ABL1: variants seen among roughly 807,000 people sequenced by gnomAD.
The protein encoded by ABL1 is ABL proto-oncogene 1, non-receptor tyrosine kinase, also known as tyrosine-protein kinase ABL1.
ABL1 carries 11 observed loss-of-function variants against 94.7 expected under a neutral mutation model. The observed-to-expected ratio is 0.12, with a 90% CI of 0.07 to 0.19. The LOEUF (loss-of-function observed/expected upper bound fraction) is 0.19. Ranked by LOEUF, ABL1 falls within the 10% of genes least tolerant of loss-of-function variation. The probability of loss-of-function intolerance (pLI) is 1.00; values close to 1 mark genes in which losing one functional copy is unlikely to be tolerated. For synonymous variants in ABL1, 656 were observed against 622.4 expected, an observed-to-expected ratio of 1.05 and a Z score of -0.80; for missense variants, 1,082 against 1,489.4, an observed-to-expected ratio of 0.73 and a Z score of 4.50.
chr9:130,718,843 C>G (rs1426128621), intron 1 of ABL1, among the ~76,000 whole-genome samples: 1 of 152,170 alleles, frequency 6.6e-6, no homozygotes, highest in Non-Finnish European at 1.5e-5. Context: ...GATCACGCCA[C>G]TGCACTGCAG....
chr9:130,719,341 C>T (rs1831486431), intron 1 of ABL1, among the ~76,000 whole-genome samples: 1 of 152,030 alleles, frequency 6.6e-6, no homozygotes, highest in Non-Finnish European at 1.5e-5. Context: ...CCAGCTTGAC[C>T]AAGAAGGTAA....
chr9:130,840,547 G>T (rs865957362), intron 1 of ABL1, among the ~76,000 whole-genome samples: 2 of 152,270 alleles, frequency 1.3e-5, no homozygotes, highest in Middle Eastern at 3.4e-3. Context: ...AAGAACTAAA[G>T]ATCAAATGGG....
chr9:130,837,901 G>T (rs1444468829), intron 1 of ABL1, among the ~76,000 whole-genome samples: 1 of 152,144 alleles, frequency 6.6e-6, no homozygotes, highest in African/African-American at 2.4e-5. Context: ...TCCCTGTCAG[G>T]GAGAGAATTG....
chr9:130,730,980 C>T (rs1251086511), intron 1 of ABL1, among the ~76,000 whole-genome samples: 8 of 137,168 alleles, frequency 5.8e-5, no homozygotes, highest in African/African-American at 1.3e-4. Context: ...AGCCATTGTG[C>T]GTTTTCACTC....
chr9:130,827,512 G>C (rs958933674), intron 1 of ABL1, among the ~76,000 whole-genome samples: 1 of 152,146 alleles, frequency 6.6e-6, no homozygotes, highest in African/African-American at 2.4e-5. Context: ...TCTCTAACCT[G>C]ATATTAATAG....
At chr9:130,851,769 T>TC (rs1830869075) in intron 1 of ABL1, among the ~76,000 whole-genome samples, 2 of 136,918 alleles carry the variant, frequency 1.5e-5, no homozygotes, top group Admixed American at 1.4e-4. Flanking sequence ...TCTTTTTCTT[T>TC]TTTTTTTTTT....
chr9:130,829,277 G>A (rs770642202), intron 1 of ABL1, among the ~76,000 whole-genome samples: 2 of 152,106 alleles, frequency 1.3e-5, no homozygotes, highest in African/African-American at 2.4e-5. Context: ...AAGTAGAACT[G>A]AGCCCGGGCA....
chr9:130,839,743 T>C (rs1365657210), intron 1 of ABL1, among the ~76,000 whole-genome samples: 2 of 152,236 alleles, frequency 1.3e-5, no homozygotes, highest in African/African-American at 4.8e-5. Context: ...ATAAGATGAT[T>C]GAGGGAAAGC....
intron 1 of ABL1, among the ~76,000 whole-genome samples, chr9:130,765,952 G>C (rs2132758493): frequency 6.6e-6 from 1 of 152,340 alleles, no homozygotes; most frequent in Non-Finnish European, 1.5e-5. Context: ...ACAAGGACAG[G>C]GTGTTGGTCT....
chr9:130,780,757 A>C (rs1829745144), intron 1 of ABL1, among the ~76,000 whole-genome samples: 1 of 152,218 alleles, frequency 6.6e-6, no homozygotes, highest in African/African-American at 2.4e-5. Flanking sequence ...TTCTTACCAT[A>C]TGACCAAGTA....
intron 1 of ABL1, among the ~76,000 whole-genome samples, chr9:130,849,855 G>A (rs1244383411): frequency 2.6e-5 from 4 of 152,196 alleles, no homozygotes; most frequent in South Asian, 4.2e-4. Flanking sequence ...TTGTTTATTC[G>A]TGGCTTTGCC....
chr9:130,742,111 C>T (rs984099880), intron 1 of ABL1, among the ~76,000 whole-genome samples: 1 of 152,108 alleles, frequency 6.6e-6, no homozygotes, highest in Non-Finnish European at 1.5e-5. Flanking sequence ...GTCAGCCCAC[C>T]GAGTCATGTA....
intron 1 of ABL1, among the ~76,000 whole-genome samples, chr9:130,750,209 A>ATC (rs1311459318): frequency 1.4e-5 from 1 of 69,072 alleles, no homozygotes; most frequent in Non-Finnish European, 3.5e-5. Flanking sequence ...ATATATATAT[A>ATC]TATATATATA....
exon 1 of ABL1, chr9:130,714,413 T>A (rs2132661825): frequency 6.2e-7 from 1 of 1,614,142 alleles, no homozygotes; most frequent in Non-Finnish European, 8.5e-7. Flanking sequence ...GAAGGAATCA[T>A]CGAGGCATGG....
chr9:130,847,392 C>G (rs1485719442), intron 1 of ABL1, among the ~76,000 whole-genome samples: 1 of 151,792 alleles, frequency 6.6e-6, no homozygotes. Context: ...TTGAATGAAG[C>G]CTTCAGCCTT....
intron 1 of ABL1, among the ~76,000 whole-genome samples, chr9:130,756,575 G>C (rs1832044054): frequency 6.6e-6 from 1 of 152,086 alleles, no homozygotes; most frequent in African/African-American, 2.4e-5. Flanking sequence ...TTGGGATTCT[G>C]CTCACTGTGT....
intron 1 of ABL1, among the ~76,000 whole-genome samples, chr9:130,786,182 G>T (rs1829823218): frequency 6.6e-6 from 1 of 152,212 alleles, no homozygotes; most frequent in Non-Finnish European, 1.5e-5. Context: ...GCCAGACAGG[G>T]CCAGGGAAAC....
chr9:130,811,123 T>C (rs1332944531), intron 1 of ABL1, among the ~76,000 whole-genome samples: 4 of 151,744 alleles, frequency 2.6e-5, no homozygotes, highest in Non-Finnish European at 4.4e-5. Flanking sequence ...AAAGGAAGAA[T>C]TTATTACCAG....
Position 130,885,798 on chromosome 9 carries a change from G to A in ABL1, c.*115G>A. 7.3e-7 allele frequency: 1 copy of A among 1,371,482 alleles called. No homozygotes were observed. Among genetic ancestry groups the A allele is most frequent in the Middle Eastern group, 2.6e-4 (1 of 3,896 alleles). The allele number at this position is 1,371,482 out of a possible 1,614,324, so 85.0% of individuals were successfully genotyped here. A position where few individuals can be genotyped will look rare whatever the true frequency, so the allele number is the denominator to read the frequency against. ...CTAGTGAGTCAGCACCTTGGCCCAG[G>A]AGCTCTGCGCCAGGCAGAGCTGAGG... On this transcript the variant is annotated 3_prime_UTR_variant, in exon 11 of 11. Coordinates refer to ENST00000318560, the MANE Select transcript of ABL1 (RefSeq NM_005157.6).
Sources: allele counts gnomAD v4.1 joint callset (sites outside exome capture counted in the v4.1 genomes callset), GRCh38; gene constraint gnomAD v4.1.1; transcripts MANE v1.5; gene names NCBI Gene and HGNC (gene_info 2026-07-23, HGNC 2026-07-21).